Variants in ERCC5 observed in about 807,000 individuals in gnomAD.
ERCC5 encodes the protein DNA excision repair protein ERCC-5.
Under a neutral mutation model 105.6 loss-of-function variants are expected in ERCC5, and 68 were observed. The observed-to-expected ratio is 0.64, with a 90% CI of 0.53 to 0.79. The LOEUF (loss-of-function observed/expected upper bound fraction) is 0.79. ERCC5 is among the 30% of genes least tolerant of loss of function. ERCC5 has a pLI of 0.00. For missense variants in ERCC5, 1,373 were observed against 1,426.7 expected (o/e 0.96, Z 0.61); for synonymous variants, 546 against 526.2 (o/e 1.04, Z -0.51).
chr13:102,869,185 T>A (rs79233039), intron 12 of ERCC5, among the ~76,000 whole-genome samples: 1 of 152,320 alleles, frequency 6.6e-6, no homozygotes, highest in East Asian at 1.9e-4. Context: ...GAAACTGTTG[T>A]AGTGATCATG....
chr13:102,863,148 C>T (rs1310828294), intron 8 of ERCC5, 45 bp downstream of exon 8: 3 of 1,591,820 alleles, frequency 1.9e-6, no homozygotes, highest in East Asian at 4.6e-5. Context: ...GTAGGATTTC[C>T]CCTCTGTAGG....
chr13:102,875,257 T>A, intron 14 of ERCC5, 50 bp from the exon 15 acceptor site: 1 of 1,587,536 alleles, frequency 6.3e-7, no homozygotes, highest in South Asian at 1.1e-5. Flanking sequence ...GTTTAGAAAC[T>A]TGACTTACTT....
In ERCC5 at chr13:102,866,396, C is replaced by T. The variant is rs1882840505; in HGVS notation, c.2319+15C>T. 2 of 1,613,976 alleles carry T rather than the reference C, an allele frequency of 1.2e-6. No homozygotes were observed. The highest frequency in any genetic ancestry group is 1.7e-6 in the Non-Finnish European group (2 of 1,179,938). Reference sequence around the variant, plus strand: ...TGGAAAGCCAGGTGGGTGCAGGCAGCTTGGGTTTCCTTTACCACCTTCTTC... The same window carrying T: ...TGGAAAGCCAGGTGGGTGCAGGCAGTTTGGGTTTCCTTTACCACCTTCTTC... On this transcript the variant is annotated intron_variant, in intron 10 of 14. Transcript: ENST00000652225.
intron 1 of ERCC5, among the ~76,000 whole-genome samples, chr13:102,849,804 T>C (rs1021314696): frequency 6.6e-6 from 1 of 152,200 alleles, no homozygotes; most frequent in African/African-American, 2.4e-5. Flanking sequence ...GCACTGGATA[T>C]GCCAGTGCAT....
At chr13:102,864,125 AC>A (rs397851595) in intron 8 of ERCC5, among the ~76,000 whole-genome samples, 4 of 54,202 alleles carry the variant, frequency 7.4e-5, no homozygotes, top group African/African-American at 4.5e-4. Context: ...AAGAGAATCA[AC>A]CACACACACA....
Position 102,868,173 on chromosome 13 carries a change from G to A in ERCC5, c.2594G>A (p.Gly865Glu). 1.2e-6 allele frequency: 2 copies of A among 1,614,156 alleles called. No individual in the cohort carries two copies. The highest frequency in any genetic ancestry group is 1.7e-6 in the Non-Finnish European group (2 of 1,180,030). ...AYLLGSDYTE[G>E]IPTVGCVTAM... is the part of the protein sequence containing the mutation. ...TTGCTTGGAAGTGATTATACCGAAG[G>A]AATACCAACTGTGGGTTGTGTAACC... The change falls in exon 12 of 15, where the codon GGA (glycine) becomes GAA (glutamate). Residue 865 changes from glycine to glutamate, a missense_variant. Gly to Glu is a moderately conservative substitution (Grantham distance 98). This residue lies in a region of ERCC5 where 1,004 missense variants were observed against 1,059.7 expected (regional missense o/e 0.95). Transcript: ENST00000652225.
At chr13:102,851,589 G>A (rs1013473520) in intron 1 of ERCC5, among the ~76,000 whole-genome samples, 1 of 152,030 alleles carries the variant, frequency 6.6e-6, no homozygotes, top group South Asian at 2.1e-4. Flanking sequence ...CACCGCGCCC[G>A]GCCTATGATT....
Position 102,853,841 on chromosome 13 carries a change from C to T in ERCC5, c.349C>T (p.Gln117Ter). 6.2e-7 allele frequency: 1 copy of T among 1,614,170 alleles called. No homozygotes were observed. Among genetic ancestry groups the T allele is most frequent in the Non-Finnish European group, 8.5e-7 (1 of 1,180,024 alleles). The change falls in exon 3 of 15, where the codon CAA (glutamine) becomes TAA (stop). Residue 117 changes from glutamine (Q) to a stop codon, truncating the protein, a stop_gained. Coordinates refer to ENST00000652225, the MANE Select transcript of ERCC5 (RefSeq NM_000123.4). LOFTEE classifies it high-confidence loss of function. Reference sequence around the variant, plus strand: ...GCTTCTGAAAACATTTTTGAAAAGACAAGCCATCAAAACTGCCTTCAGAAG... The same window carrying T: ...GCTTCTGAAAACATTTTTGAAAAGATAAGCCATCAAAACTGCCTTCAGAAG... Reference protein sequence around the residue: ...EKLLKTFLKRQAIKTAFRSKR... With the variant: ...EKLLKTFLKR
rs753938357 is a variant in ERCC5, at chr13:102,873,278, G to A, written c.2899G>A (p.Gly967Ser). Residue 967 changes from glycine to serine, a missense_variant, in exon 14 of 15, where the codon GGC (glycine) becomes AGC (serine). Transcript: ENST00000652225. ...KIREFCQRYF[G>S]WNRTKTDESL... Reference sequence around the variant, plus strand: ...ATGCATATTTTGTCAGCGGTATTTCGGCTGGAACAGAACGAAGACAGATGA... The same window carrying A: ...ATGCATATTTTGTCAGCGGTATTTCAGCTGGAACAGAACGAAGACAGATGA... The A allele has an allele frequency of 1.7e-5, 28 of 1,613,814 alleles. No homozygotes were observed. Among genetic ancestry groups the A allele is most frequent in the Admixed American group, 1.0e-4 (6 of 59,982 alleles).
At chr13:102,868,032 T>G in intron 11 of ERCC5, 81 bp from the exon 12 acceptor site, 1 of 1,382,220 alleles carries the variant, frequency 7.2e-7, no homozygotes, top group Non-Finnish European at 1.0e-6. Context: ...TATACACACG[T>G]ACATGATTTA....
chr13:102,866,711 CTGAT>C lies in ERCC5; in HGVS notation c.2400_2403del (p.Asp801ArgfsTer31). The C allele has an allele frequency of 6.2e-7, 1 of 1,614,276 alleles. No homozygotes were observed. Among genetic ancestry groups the C allele is most frequent in the Non-Finnish European group, 8.5e-7 (1 of 1,180,054 alleles). Reference sequence around the variant, plus strand: ...GCGCAGTGCGCCATCCTGGACCTGACTGATCAGACTTCCGGAACCATCACTGATG... The same window carrying C: ...GCGCAGTGCGCCATCCTGGACCTGACCAGACTTCCGGAACCATCACTGATG... On this transcript the variant is annotated frameshift_variant, in exon 11 of 15. Transcript: ENST00000652225. LOFTEE classifies it high-confidence loss of function.
At chr13:102,848,497 G>T (rs994463456) in intron 1 of ERCC5, among the ~76,000 whole-genome samples, 1 of 152,106 alleles carries the variant, frequency 6.6e-6, no homozygotes, top group African/African-American at 2.4e-5. Flanking sequence ...TGTAATATGC[G>T]TTTAAGTGTA....
In ERCC5 at chr13:102,861,515, T is replaced by C; in HGVS notation, c.681T>C (p.Asp227=). Residue 227 remains aspartate (D), a synonymous_variant, in exon 7 of 15, where the codon GAT becomes GAC. Transcript: ENST00000652225. ...TLFEAMPEES[D]DFSQYQLKGL... is the part of the protein sequence containing the mutation. ...GTTTATTTTGCCTTTAGGAGTCTGA[T>C]GACTTTTCACAGTACCAACTCAAAG... 1 of 1,614,146 alleles carries C rather than the reference T, an allele frequency of 6.2e-7. No homozygotes were observed. The highest frequency in any genetic ancestry group is 1.1e-5 in the South Asian group (1 of 91,082).
chr13:102,861,506 G>T lies in ERCC5; in HGVS notation c.673-1G>T. The stretch of plus-strand genomic sequence containing the variant: ...ATTTTGTTTGTTTATTTTGCCTTTA[G>T]GAGTCTGATGACTTTTCACAGTACC... On this transcript the variant is annotated splice_acceptor_variant, in intron 6 of 14. Coordinates refer to ENST00000652225, the MANE Select transcript of ERCC5 (RefSeq NM_000123.4). LOFTEE classifies it high-confidence loss of function. 6.2e-7 allele frequency: 1 copy of T among 1,613,954 alleles called. No homozygotes were observed. The highest frequency in any genetic ancestry group is 8.5e-7 in the Non-Finnish European group (1 of 1,179,962).
intron 4 of ERCC5, among the ~76,000 whole-genome samples, chr13:102,855,009 G>A (rs1345324375): frequency 2.0e-5 from 3 of 152,160 alleles, no homozygotes; most frequent in Admixed American, 2.0e-4. Context: ...GAGTTCCCAA[G>A]AGACAACTTA....
intron 14 of ERCC5, 44 bp from the exon 15 acceptor site, chr13:102,875,259 GACTT>G: frequency 5.0e-6 from 8 of 1,588,814 alleles, no homozygotes; most frequent in Non-Finnish European, 6.9e-6. Context: ...TTAGAAACTT[GACTT>G]ACTTGTCTGA....
intron 5 of ERCC5, among the ~76,000 whole-genome samples, chr13:102,857,884 C>G (rs1268276131): frequency 6.6e-6 from 1 of 152,102 alleles, no homozygotes; most frequent in African/African-American, 2.4e-5. Flanking sequence ...TGTAATCACT[C>G]TCATATCAGA....
chr13:102,865,687 A>G lies in ERCC5; in HGVS notation c.1975A>G (p.Ser659Gly). The change falls in exon 9 of 15, where the codon AGT becomes GGT. Residue 659 changes from serine to glycine, a missense_variant. Transcript: ENST00000652225. This position sits in a 1 kb window ranked among gnomAD's most constrained non-coding sequence, Gnocchi z 4.0. ...ESDGSFIEVQ[S>G]VISDEELQAE... Reference sequence around the variant, plus strand: ...TACAGGAAGTTTCATTGAAGTGCAAAGTGTGATTAGTGATGAGGAACTTCA... The same window carrying G: ...TACAGGAAGTTTCATTGAAGTGCAAGGTGTGATTAGTGATGAGGAACTTCA... The G allele has an allele frequency of 6.2e-7, 1 of 1,613,794 alleles. No homozygotes were observed. The highest frequency in any genetic ancestry group is 8.5e-7 in the Non-Finnish European group (1 of 1,179,872).
intron 5 of ERCC5, among the ~76,000 whole-genome samples, chr13:102,857,613 A>G (rs998333786): frequency 8.1e-6 from 1 of 123,824 alleles, no homozygotes; most frequent in African/African-American, 3.3e-5. Context: ...ACACTTTTCC[A>G]TGTCTTCTGT....
Sources: allele counts gnomAD v4.1 joint callset (sites outside exome capture counted in the v4.1 genomes callset), GRCh38; gene constraint gnomAD v4.1.1; regional missense constraint gnomAD v4.1.1; non-coding constraint Gnocchi (gnomAD v3.1); transcripts MANE v1.5; gene names NCBI Gene and HGNC (gene_info 2026-07-23, HGNC 2026-07-21).